Variants in SDK2 observed in about 807,000 individuals in gnomAD.
SDK2 encodes sidekick cell adhesion molecule 2.
Under a neutral mutation model 253.9 loss-of-function variants are expected in SDK2, and 105 were observed. The ratio of observed to expected loss-of-function variants is 0.41; its 90% CI spans 0.35 to 0.49. SDK2 has a LOEUF of 0.49. Among genes scored for constraint, SDK2 ranks in the 20% least tolerant of loss-of-function variants. The pLI, the probability that SDK2 is intolerant of heterozygous loss-of-function variation, is 0.06. For synonymous variants in SDK2, 1,249 were observed against 1,234.9 expected, an observed-to-expected ratio of 1.01 and a Z score of -0.24; for missense variants, 2,608 against 3,003.0, an observed-to-expected ratio of 0.87 and a Z score of 3.07.
chr17:73,387,730 G>T, intron 30 of SDK2, 106 bp downstream of exon 30: 1 of 1,026,216 alleles, frequency 9.7e-7, no homozygotes, highest in Non-Finnish European at 1.4e-6. Flanking sequence ...GAGAGCTGGG[G>T]GCAGGCTGGA....
chr17:73,371,577 G>A (rs1337524145), intron 36 of SDK2, among the ~76,000 whole-genome samples: 2 of 152,170 alleles, frequency 1.3e-5, no homozygotes, highest in Admixed American at 6.5e-5. Flanking sequence ...GAGAAAGAGA[G>A]CAGAGGAATC....
chr17:73,569,881 C>A (rs1353725208), intron 1 of SDK2, among the ~76,000 whole-genome samples: 1 of 152,040 alleles, frequency 6.6e-6, no homozygotes, highest in Non-Finnish European at 1.5e-5. Flanking sequence ...TCTCTAGGAG[C>A]TACACGGCTG....
chr17:73,421,029 G>A lies in SDK2; in HGVS notation c.2045+1258C>T, dbSNP rs549867422. 2.0e-5 allele frequency among the ~76,000 whole-genome samples: 3 copies of A among 152,348 alleles called. 1 individual carries two copies. The South Asian group carries it at 6.2e-4, about 32-fold the overall frequency. On this transcript the variant is annotated intron_variant, in intron 15 of 44. Transcript: ENST00000392650. ...GTACATTAGGAAGGTGAGTCAGTGTGATGCGGTGCAGCCGCAGGGCAGGAG... is the reference window on the plus strand; with the variant it reads ...GTACATTAGGAAGGTGAGTCAGTGTAATGCGGTGCAGCCGCAGGGCAGGAG...
Position 73,431,219 on chromosome 17 carries a change from C to T in SDK2, c.1480+283G>A, listed in dbSNP as rs139374314. Among the ~76,000 whole-genome samples, 646 of 152,290 alleles carry T rather than the reference C, an allele frequency of 4.2e-3. 4 individuals are homozygous for T. The highest frequency in any genetic ancestry group is 0.015 in the African/African-American group (611 of 41,574). On this transcript the variant is annotated intron_variant, in intron 11 of 44. Transcript: ENST00000392650. The surrounding 1 kb of genome is among the most constrained non-coding windows in gnomAD (Gnocchi z 5.6). ...CTGGCCCTTTCTTGAAAATATTTGC[C>T]GATTTCTGCCCTAAAATATATGAAG...
At chr17:73,529,801 G>C (rs1396658531) in intron 1 of SDK2, among the ~76,000 whole-genome samples, 1 of 152,174 alleles carries the variant, frequency 6.6e-6, no homozygotes, top group Non-Finnish European at 1.5e-5. Context: ...ACCTCCAGAA[G>C]GAACCCGCTG....
chr17:73,591,438 G>A (rs11655934), intron 1 of SDK2, among the ~76,000 whole-genome samples: 17,622 of 152,124 alleles, frequency 0.12, 1,160 homozygotes, highest in East Asian at 0.19. Context: ...ACACTCTTCC[G>A]GGACGCCACA....
At chr17:73,432,563 G>C (rs2063333889) in intron 10 of SDK2, among the ~76,000 whole-genome samples, 1 of 152,088 alleles carries the variant, frequency 6.6e-6, no homozygotes, top group African/African-American at 2.4e-5. Flanking sequence ...CTGGGAGACG[G>C]CAGTGGACAA....
intron 9 of SDK2, among the ~76,000 whole-genome samples, chr17:73,434,423 G>C (rs762064795): frequency 6.6e-6 from 1 of 152,204 alleles, no homozygotes; most frequent in Non-Finnish European, 1.5e-5. Context: ...GCACTTGGAA[G>C]CCAGAAGCAA....
At chr17:73,344,366 G>A (rs2062464818) in intron 44 of SDK2, among the ~76,000 whole-genome samples, 1 of 152,172 alleles carries the variant, frequency 6.6e-6, no homozygotes, top group Non-Finnish European at 1.5e-5. Flanking sequence ...TCACTGGGGT[G>A]GGGTTGGAGG....
At chr17:73,571,559 T>C (rs1421648569) in intron 1 of SDK2, among the ~76,000 whole-genome samples, 1 of 152,206 alleles carries the variant, frequency 6.6e-6, no homozygotes, top group African/African-American at 2.4e-5. Context: ...CTAAGCAGCC[T>C]GTGCCTAATG....
At chr17:73,536,119 T>A (rs550877337) in intron 1 of SDK2, among the ~76,000 whole-genome samples, 1 of 152,278 alleles carries the variant, frequency 6.6e-6, no homozygotes, top group South Asian at 2.1e-4. Flanking sequence ...TATATCAGCA[T>A]CACCCAGAGG....
intron 2 of SDK2, among the ~76,000 whole-genome samples, chr17:73,502,306 T>C (rs2063897117): frequency 6.6e-6 from 1 of 152,216 alleles, no homozygotes; most frequent in Non-Finnish European, 1.5e-5. Context: ...ACTCAGAGCC[T>C]GGGGTTTGTA....
intron 18 of SDK2, among the ~76,000 whole-genome samples, chr17:73,413,119 T>C (rs1321013161): frequency 6.6e-6 from 1 of 152,134 alleles, no homozygotes; most frequent in Non-Finnish European, 1.5e-5. Context: ...TGAAGCTTCA[T>C]CTGTACTTAC....
Position 73,431,243 on chromosome 17 carries a change from A to G in SDK2, c.1480+259T>C, listed in dbSNP as rs529128743. 6.6e-6 allele frequency among the ~76,000 whole-genome samples: 1 copy of G among 152,292 alleles called. No homozygotes were observed. The highest frequency in any genetic ancestry group is 1.9e-4 in the East Asian group (1 of 5,182). ...CCGATTTCTGCCCTAAAATATATGA[A>G]GGCAGCTCTCCTATAACTTCAATGT... On this transcript the variant is annotated intron_variant, in intron 11 of 44. Transcript: ENST00000392650. This position sits in a 1 kb window ranked among gnomAD's most constrained non-coding sequence, Gnocchi z 5.6.
At chr17:73,523,981 C>T (rs1567822127) in intron 1 of SDK2, among the ~76,000 whole-genome samples, 1 of 152,290 alleles carries the variant, frequency 6.6e-6, no homozygotes, top group East Asian at 1.9e-4. Flanking sequence ...AGAATAGGAC[C>T]TCAGTGGACA....
At position 73,373,826 on chromosome 17, in the gene SDK2, G is replaced by A. The variant is rs528145910; in HGVS notation, c.4981-5233C>T. On this transcript the variant is annotated intron_variant, in intron 36 of 44. Transcript: ENST00000392650. ...TAATTTTTGTATTTTTAGTAGAGAC[G>A]GGGTTTCACCATGTTGGCCAGGCTG... Among the ~76,000 whole-genome samples the A allele has an allele frequency of 6.6e-5, 10 of 151,848 alleles. No individual in the cohort carries two copies. The East Asian group carries it at 1.2e-3, about 18-fold the overall frequency.
Position 73,644,011 on chromosome 17 carries a change from G to C in SDK2, c.64+14C>G. 6.5e-7 allele frequency: 1 copy of C among 1,546,924 alleles called. No individual in the cohort carries two copies. Among genetic ancestry groups the C allele is most frequent in the East Asian group, 2.5e-5 (1 of 40,762 alleles). ...CAGCCCCCTCCCTGTCCCCACGTGG[G>C]GGTCCCTCCTTACCTTGGGCTCTGG... On this transcript the variant is annotated intron_variant, in intron 1 of 44. Coordinates refer to ENST00000392650, the MANE Select transcript of SDK2 (RefSeq NM_001144952.2). This position sits in a 1 kb window ranked among gnomAD's most constrained non-coding sequence, Gnocchi z 6.3.
intron 37 of SDK2, among the ~76,000 whole-genome samples, chr17:73,366,092 G>T (rs2062682443): frequency 2.0e-5 from 3 of 152,212 alleles, no homozygotes; most frequent in African/African-American, 7.2e-5. Context: ...GGATGACCAG[G>T]CTATTATTGT....
intron 1 of SDK2, among the ~76,000 whole-genome samples, chr17:73,554,936 C>T (rs2045120497): frequency 6.6e-6 from 1 of 152,270 alleles, no homozygotes. Flanking sequence ...AGACCTGAGT[C>T]TCTTCCATCT....
Sources: gnomAD v4.1 joint callset for allele counts (sites outside exome capture counted in the v4.1 genomes callset) on GRCh38, gnomAD v4.1.1 for gene constraint, Gnocchi (gnomAD v3.1) non-coding constraint, MANE v1.5 for transcripts, NCBI Gene and HGNC (gene_info 2026-07-23, HGNC 2026-07-21) for gene names.